The following STARD13 variants were observed in gnomAD, a reference collection of about 807,000 sequenced individuals.
STARD13 encodes stAR-related lipid transfer protein 13.
A neutral mutation model predicts 106.4 loss-of-function variants in STARD13; 62 were observed. That is an observed-to-expected ratio of 0.58 (90% confidence interval 0.48 to 0.72). The LOEUF (loss-of-function observed/expected upper bound fraction) is 0.72, where lower values mean the gene tolerates loss of function less well. Ranked by LOEUF, STARD13 falls within the 30% of genes least tolerant of loss-of-function variation. The pLI, the probability that STARD13 is intolerant of heterozygous loss-of-function variation, is 0.00. For synonymous variants in STARD13, 565 were observed against 553.0 expected, an observed-to-expected ratio of 1.02 and a Z score of -0.31; for missense variants, 1,387 against 1,424.0, an observed-to-expected ratio of 0.97 and a Z score of 0.42.
the STARD13 span, among the ~76,000 whole-genome samples, chr13:33,373,161 C>T: frequency 8.1e-3 from 1,231 of 152,186 alleles, 15 homozygotes; most frequent in East Asian, 0.026. Context: ...CAGAGCCTCC[C>T]TGTGTAAGTG....
At chr13:33,228,098 G>C (rs1011421297) in intron 1 of STARD13, among the ~76,000 whole-genome samples, 4 of 152,174 alleles carry the variant, frequency 2.6e-5, no homozygotes, top group Non-Finnish European at 5.9e-5. Context: ...TGCCAGGTGG[G>C]GAAGTGGTGG....
chr13:33,153,994 G>A (rs981074956), intron 3 of STARD13, among the ~76,000 whole-genome samples: 3 of 152,158 alleles, frequency 2.0e-5, no homozygotes, highest in Non-Finnish European at 1.5e-5. Flanking sequence ...CCTCCTCCTC[G>A]GGCTGTAGCT....
chr13:33,121,053 TTTTG>T (rs1876210585), intron 7 of STARD13, among the ~76,000 whole-genome samples: 1 of 152,078 alleles, frequency 6.6e-6, no homozygotes, highest in African/African-American at 2.4e-5. Flanking sequence ...TTTCCTGACT[TTTTG>T]TTTGTGTTTT....
At chr13:33,360,478 A>G in the STARD13 span, among the ~76,000 whole-genome samples, 1 of 151,894 alleles carries the variant, frequency 6.6e-6, no homozygotes, top group Non-Finnish European at 1.5e-5. Context: ...TGCTGGGATT[A>G]CAGGCGTGAG....
chr13:33,153,380 A>G (rs1320981022), intron 3 of STARD13, among the ~76,000 whole-genome samples: 2 of 152,180 alleles, frequency 1.3e-5, no homozygotes, highest in Non-Finnish European at 2.9e-5. Flanking sequence ...ACAGGAAAAG[A>G]GCCAGAGAGG....
chr13:33,106,698 G>A, intron 13 of STARD13, 60 bp downstream of exon 13: 1 of 1,454,852 alleles, frequency 6.9e-7, no homozygotes, highest in Non-Finnish European at 9.3e-7. Context: ...CCTGCTGGAT[G>A]TGCTGTACAA....
intron 3 of STARD13, among the ~76,000 whole-genome samples, chr13:33,151,135 G>GAA (rs35511638): frequency 1.3e-4 from 20 of 151,114 alleles, no homozygotes; most frequent in South Asian, 1.0e-3. Context: ...AGAATTACAG[G>GAA]AAAAAAAAAT....
the STARD13 span, among the ~76,000 whole-genome samples, chr13:33,518,074 T>C: frequency 6.6e-6 from 1 of 152,116 alleles, no homozygotes; most frequent in Admixed American, 6.5e-5. Context: ...AGACTAGAAG[T>C]TGGGGGCAGG....
the STARD13 span, among the ~76,000 whole-genome samples, chr13:33,481,939 C>T: frequency 4.7e-5 from 7 of 149,084 alleles, no homozygotes; most frequent in African/African-American, 1.7e-4. Context: ...GCCGAGATCG[C>T]GCCACTACAC....
rs543413949 is a variant in STARD13 at position 33,114,271 on chromosome 13, G to T, written c.2282-1340C>A. Among the ~76,000 whole-genome samples the T allele has an allele frequency of 2.1e-4, 32 of 152,310 alleles. No homozygotes were observed. The South Asian group carries it at 6.6e-3, about 32-fold the overall frequency. On this transcript the variant is annotated intron_variant, in intron 8 of 13. Coordinates refer to ENST00000336934, the MANE Select transcript of STARD13 (RefSeq NM_178006.4). Reference sequence around the variant, plus strand: ...GGCTGAGGTGTGACCTTCTGAGGGGGTCCTGGCTGGCCCCAGGCTTTGTGG... The same window carrying T: ...GGCTGAGGTGTGACCTTCTGAGGGGTTCCTGGCTGGCCCCAGGCTTTGTGG...
intron 1 of STARD13, among the ~76,000 whole-genome samples, chr13:33,247,981 C>T (rs1400284995): frequency 1.3e-5 from 2 of 152,074 alleles, no homozygotes. Flanking sequence ...TCTGGGGGGT[C>T]CTTATATACT....
chr13:33,504,309 T>C, the STARD13 span, among the ~76,000 whole-genome samples: 1 of 152,086 alleles, frequency 6.6e-6, no homozygotes, highest in Non-Finnish European at 1.5e-5. Flanking sequence ...TGCACACATA[T>C]GTTTATTGCG....
chr13:33,181,905 G>A (rs1458504383), intron 1 of STARD13, among the ~76,000 whole-genome samples: 2 of 124,064 alleles, frequency 1.6e-5, no homozygotes, highest in East Asian at 4.1e-4. Flanking sequence ...AGAGTAGTGA[G>A]AAAAGATTTC....
the STARD13 span, among the ~76,000 whole-genome samples, chr13:33,622,917 T>TA: frequency 3.7e-3 from 448 of 121,784 alleles, no homozygotes; most frequent in Admixed American, 4.9e-3. Context: ...AAACTCTGTC[T>TA]AAAAAAAAAA....
chr13:33,140,785 C>T (rs1481597868), intron 4 of STARD13, among the ~76,000 whole-genome samples: 45 of 141,142 alleles, frequency 3.2e-4, no homozygotes, highest in Admixed American at 5.7e-4. Flanking sequence ...TTTTTTGAGG[C>T]GGAGTCTCTC....
At chr13:33,399,725 A>AAG in the STARD13 span, among the ~76,000 whole-genome samples, 3 of 148,260 alleles carry the variant, frequency 2.0e-5, no homozygotes, top group African/African-American at 7.5e-5. Context: ...AAAAAAAAAA[A>AAG]GCATTAAAAT....
intron 1 of STARD13, among the ~76,000 whole-genome samples, chr13:33,337,076 G>C (rs1331956522): frequency 2.0e-5 from 3 of 152,060 alleles, no homozygotes; most frequent in Admixed American, 6.6e-5. Flanking sequence ...ATTAGCAAAG[G>C]AGGATTTAAC....
At chr13:33,651,480 C>A in the STARD13 span, among the ~76,000 whole-genome samples, 1,478 of 152,278 alleles carry the variant, frequency 9.7e-3, 15 homozygotes, top group Non-Finnish European at 0.015. Context: ...ATTACTTACA[C>A]CCCCTGTCAT....
chr13:33,435,266 A>G, the STARD13 span, among the ~76,000 whole-genome samples: 1 of 152,310 alleles, frequency 6.6e-6, no homozygotes, highest in Admixed American at 6.5e-5. Context: ...GAGAGGTAGG[A>G]ATGGTGGATA....
Sources: allele counts gnomAD v4.1 joint callset (sites outside exome capture counted in the v4.1 genomes callset), GRCh38; gene constraint gnomAD v4.1.1; transcripts MANE v1.5; gene names NCBI Gene and HGNC (gene_info 2026-07-23, HGNC 2026-07-21).